The following GPR55 variants were observed in gnomAD, a reference collection of about 807,000 sequenced individuals.
GPR55 encodes the protein G protein-coupled receptor 55.
In GPR55, 6 loss-of-function variants were observed where a neutral mutation model predicts 7.9. The ratio of observed to expected loss-of-function variants is 0.76; its 90% confidence interval spans 0.41 to 1.49. The LOEUF (loss-of-function observed/expected upper bound fraction) is 1.49. Ranked by LOEUF, GPR55 falls within the 40% of genes most tolerant of loss-of-function variation. GPR55 has a pLI of 0.01. For missense variants in GPR55, 376 were observed against 406.0 expected (o/e 0.93, Z 0.63); for synonymous variants, 183 against 166.8 (o/e 1.10, Z -0.75).
Position 230,942,527 on chromosome 2 carries a change from G to A in GPR55, c.-135+18248C>T, listed in dbSNP as rs191729908. 6.5e-3 allele frequency among the ~76,000 whole-genome samples: 993 copies of A among 152,322 alleles called. 4 individuals carry two copies. Among genetic ancestry groups the A allele is most frequent in the Non-Finnish European group, 0.01 (681 of 68,022 alleles). ...AGGCAGGTGTGGGGGGAGAGCGGCAGGGGGCAGTAGAGCATCTGCCCTGGT... is the reference window on the plus strand; with the variant it reads ...AGGCAGGTGTGGGGGGAGAGCGGCAAGGGGCAGTAGAGCATCTGCCCTGGT... On this transcript the variant is annotated intron_variant, in intron 1 of 1. Coordinates refer to the GPR55 transcript ENST00000392039.
upstream of GPR55, among the ~76,000 whole-genome samples, chr2:230,929,294 G>A (rs1690993213): frequency 6.6e-6 from 1 of 152,180 alleles, no homozygotes; most frequent in South Asian, 2.1e-4. Context: ...ACAAAGACAG[G>A]AAGGTGCGTG....
upstream of GPR55, among the ~76,000 whole-genome samples, chr2:230,929,227 C>G (rs1029182413): frequency 6.6e-6 from 1 of 152,100 alleles, no homozygotes; most frequent in Non-Finnish European, 1.5e-5. Flanking sequence ...ACACGAAGCC[C>G]GTTCCTGGAG....
intron 1 of GPR55, among the ~76,000 whole-genome samples, chr2:230,936,538 G>C (rs1431427308): frequency 6.6e-6 from 1 of 152,202 alleles, no homozygotes; most frequent in Non-Finnish European, 1.5e-5. Context: ...TGAACTGTGA[G>C]TCAATTAAAC....
upstream of GPR55, among the ~76,000 whole-genome samples, chr2:230,926,282 T>A (rs962814764): frequency 1.3e-5 from 2 of 152,168 alleles, no homozygotes; most frequent in African/African-American, 4.8e-5. Flanking sequence ...CATGACAACT[T>A]TTAAGCTCTC....
Position 230,923,791 on chromosome 2 carries a change from C to T in GPR55, c.-135+1377G>A, listed in dbSNP as rs995475993. Among the ~76,000 whole-genome samples the T allele has an allele frequency of 1.2e-4, 19 of 152,100 alleles. No individual in the cohort carries two copies. The highest frequency in any genetic ancestry group is 3.6e-4 in the African/African-American group (15 of 41,402). ...AGATTCTACCCAAGGTCAAAAAGGC[C>T]GTGAGGGACCAGCTGGAACTCATGT... On this transcript the variant is annotated intron_variant, in intron 1 of 1. Transcript: ENST00000650999. This position sits in a 1 kb window ranked among gnomAD's most constrained non-coding sequence, Gnocchi z 4.1.
chr2:230,909,922 C>T lies in GPR55; in HGVS notation c.*81G>A. ...GTGAAGATGGTGCGGATCATCCCACCACATCAAAACCCTGGAACGCGATAT... is the reference window on the plus strand; with the variant it reads ...GTGAAGATGGTGCGGATCATCCCACTACATCAAAACCCTGGAACGCGATAT... On this transcript the variant is annotated 3_prime_UTR_variant, in exon 2 of 2. Coordinates refer to ENST00000650999, the MANE Select transcript of GPR55 (RefSeq NM_005683.4). The T allele has an allele frequency of 4.4e-6, 6 of 1,349,430 alleles. No individual in the cohort carries two copies. The highest frequency in any genetic ancestry group is 6.2e-6 in the Non-Finnish European group (6 of 971,766). 83.6% of individuals were successfully genotyped at this position (1,349,430 alleles called of 1,614,324 possible).
At chr2:230,913,797 T>C (rs1690649924) in intron 1 of GPR55, among the ~76,000 whole-genome samples, 1 of 152,080 alleles carries the variant, frequency 6.6e-6, no homozygotes, top group Non-Finnish European at 1.5e-5. Flanking sequence ...CCAGTTCAAG[T>C]CTAAATGTAA....
chr2:230,933,041 C>T (rs1217031490), intron 1 of GPR55, among the ~76,000 whole-genome samples: 1 of 152,180 alleles, frequency 6.6e-6, no homozygotes, highest in African/African-American at 2.4e-5. Flanking sequence ...TCTGCTTTCA[C>T]CCGGCTGCTT....
intron 1 of GPR55, among the ~76,000 whole-genome samples, chr2:230,937,454 A>G (rs190051529): frequency 1.9e-5 from 1 of 53,850 alleles, no homozygotes; most frequent in East Asian, 7.9e-4. Flanking sequence ...TGGGGAAAAA[A>G]CACAGCAATA....
rs1690905118 is a variant in GPR55 at position 230,924,494 on chromosome 2, C to A, written c.-135+674G>T. Reference sequence around the variant, plus strand: ...CTTCCCGCCCAGCCTCTCCAAGAGACACTTGGCTAGGGTTAGAGAACAATG... The same window carrying A: ...CTTCCCGCCCAGCCTCTCCAAGAGAAACTTGGCTAGGGTTAGAGAACAATG... On this transcript the variant is annotated intron_variant, in intron 1 of 1. Coordinates refer to ENST00000650999, the MANE Select transcript of GPR55 (RefSeq NM_005683.4). The surrounding 1 kb of genome is among the most constrained non-coding windows in gnomAD (Gnocchi z 4.5). 6.6e-6 allele frequency: 1 copy of A among 152,274 alleles called. No individual in the cohort carries two copies. The highest frequency in any genetic ancestry group is 6.5e-5 in the Admixed American group (1 of 15,286). 9.4% of individuals were successfully genotyped at this position (152,274 alleles called of 1,614,324 possible).
At position 230,909,814 on chromosome 2, in the gene GPR55, A is replaced by C; in HGVS notation, c.*189T>G. 1 of 608,664 alleles carries C rather than the reference A, an allele frequency of 1.6e-6. No individual in the cohort carries two copies. The highest frequency in any genetic ancestry group is 2.9e-6 in the Non-Finnish European group (1 of 346,432). The allele number at this position is 608,664 out of a possible 1,614,324, so 37.7% of individuals were successfully genotyped here. A position where few individuals can be genotyped will look rare whatever the true frequency, so the allele number is the denominator to read the frequency against. On this transcript the variant is annotated 3_prime_UTR_variant, in exon 2 of 2. Transcript: ENST00000650999. ...AGATCCCTGAACACTGGGTGGTATA[A>C]GCTGTCTGGGCAGTGGAAAAAAGGT...
At chr2:230,926,489 CGGG>C (rs1427945571), upstream of GPR55, among the ~76,000 whole-genome samples, 1 of 151,980 alleles carries the variant, frequency 6.6e-6, no homozygotes, top group Non-Finnish European at 1.5e-5. Flanking sequence ...ACCCTGGGTG[CGGG>C]AGGAGGCCAG....
chr2:230,916,075 A>G (rs569611772), intron 1 of GPR55, among the ~76,000 whole-genome samples: 75 of 152,212 alleles, frequency 4.9e-4, no homozygotes, highest in African/African-American at 1.7e-3. Flanking sequence ...AGAAAAAAAA[A>G]AACAGAAGAG....
At chr2:230,931,057 C>T (rs1322461437) in intron 1 of GPR55, among the ~76,000 whole-genome samples, 2 of 152,214 alleles carry the variant, frequency 1.3e-5, no homozygotes, top group African/African-American at 4.8e-5. Context: ...TGTGCCAGCA[C>T]TCACACCCTA....
intron 1 of GPR55, among the ~76,000 whole-genome samples, chr2:230,918,726 T>C (rs997010536): frequency 1.3e-5 from 2 of 152,178 alleles, no homozygotes; most frequent in Admixed American, 1.3e-4. Flanking sequence ...AGATTCACTA[T>C]AGAAATGTAA....
At chr2:230,940,597 C>T (rs1574632217) in intron 1 of GPR55, among the ~76,000 whole-genome samples, 2 of 152,304 alleles carry the variant, frequency 1.3e-5, no homozygotes, top group Non-Finnish European at 2.9e-5. Context: ...TGGGCAGCAC[C>T]CTGTGCCCTG....
intron 1 of GPR55, among the ~76,000 whole-genome samples, chr2:230,950,642 T>C (rs546204608): frequency 6.6e-6 from 1 of 152,346 alleles, no homozygotes; most frequent in East Asian, 1.9e-4. Flanking sequence ...TGTGGTGTTA[T>C]GATAAGTACA....
At chr2:230,951,030 T>C (rs1044947536) in intron 1 of GPR55, among the ~76,000 whole-genome samples, 6 of 152,198 alleles carry the variant, frequency 3.9e-5, no homozygotes, top group African/African-American at 1.4e-4. Context: ...GTGTCCTTTG[T>C]AACATCCTTT....
At chr2:230,951,175 T>C (rs1484639960) in intron 1 of GPR55, among the ~76,000 whole-genome samples, 1 of 152,192 alleles carries the variant, frequency 6.6e-6, no homozygotes, top group East Asian at 1.9e-4. Flanking sequence ...GACTTGTGTC[T>C]GGGTCAGGGA....
Sources: allele counts gnomAD v4.1 joint callset (sites outside exome capture counted in the v4.1 genomes callset), GRCh38; gene constraint gnomAD v4.1.1; non-coding constraint Gnocchi (gnomAD v3.1); transcripts MANE v1.5; gene names NCBI Gene and HGNC (gene_info 2026-07-23, HGNC 2026-07-21).